SRGAP2: variants seen among roughly 807,000 people sequenced by gnomAD.
The protein encoded by SRGAP2 is SLIT-ROBO Rho GTPase activating protein 2.
In SRGAP2, 15 loss-of-function variants were observed where a neutral mutation model predicts 57.2. The observed-to-expected ratio is 0.26, with a 90% CI of 0.18 to 0.40. SRGAP2 has a LOEUF of 0.40. Among genes scored for constraint, SRGAP2 ranks in the 10% least tolerant of loss-of-function variants. The pLI is 1.00. For missense variants in SRGAP2, 520 were observed against 669.6 expected (o/e 0.78, Z 2.47); for synonymous variants, 249 against 248.0 (o/e 1.00, Z -0.04).
chr1:206,411,077 G>A (rs1553359416), intron 10 of SRGAP2, among the ~76,000 whole-genome samples: 2 of 152,300 alleles, frequency 1.3e-5, no homozygotes, highest in East Asian at 3.9e-4. Context: ...GGCCAGGCTG[G>A]TCTCAAACTC....
intron 11 of SRGAP2, among the ~76,000 whole-genome samples, chr1:206,416,774 C>T (rs1353368079): frequency 1.3e-5 from 2 of 151,926 alleles, no homozygotes; most frequent in Non-Finnish European, 2.9e-5. Flanking sequence ...GCCCCCCCCT[C>T]CCTGCCCCAC....
chr1:206,338,041 A>G (rs1425200233), intron 3 of SRGAP2, among the ~76,000 whole-genome samples: 2 of 150,736 alleles, frequency 1.3e-5, no homozygotes, highest in African/African-American at 2.4e-5. Context: ...CAGTGCATTT[A>G]CAGTGATAAT....
chr1:206,327,578 G>A (rs1553330467), intron 3 of SRGAP2, among the ~76,000 whole-genome samples: 1 of 124,874 alleles, frequency 8.0e-6, no homozygotes, highest in Non-Finnish European at 1.6e-5. Context: ...TTGTTTAAGG[G>A]CATCACCTTG....
At chr1:206,446,373 G>T in intron 18 of SRGAP2, 74 bp downstream of exon 18, 4 of 755,950 alleles carry the variant, frequency 5.3e-6, no homozygotes, top group Non-Finnish European at 7.4e-6. Context: ...ATGGCCACAC[G>T]AAAACCAAAG....
At chr1:206,203,767 C>T in intron 1 of SRGAP2, 117 bp downstream of exon 1, 1 of 1,499,706 alleles carries the variant, frequency 6.7e-7, no homozygotes. Context: ...GCGGCATCGC[C>T]TTAGCGGTGC....
In SRGAP2 at chr1:206,454,055, C is replaced by T. The variant is rs538164855; in HGVS notation, c.2360+675C>T. The T allele has an allele frequency of 3.6e-5, 25 of 698,222 alleles. No individual in the cohort carries two copies. Among genetic ancestry groups the T allele is most frequent in the Middle Eastern group, 2.3e-4 (1 of 4,352 alleles). The allele number at this position is 698,222 out of a possible 1,614,324, so 43.3% of individuals were successfully genotyped here. A position where few individuals can be genotyped will look rare whatever the true frequency, so the allele number is the denominator to read the frequency against. On this transcript the variant is annotated intron_variant, in intron 20 of 22. Transcript: ENST00000573034. The surrounding 1 kb of genome is among the most constrained non-coding windows in gnomAD (Gnocchi z 4.3). ...GGCCCACCCAAGCCTGCCCCCTGTC[C>T]GTTTGCCCTGTCTCTGTCCCCAGCT...
chr1:206,453,259 C>A lies in SRGAP2; in HGVS notation c.2239C>A (p.Leu747Ile). The A allele has an allele frequency of 1.3e-6, 1 of 744,246 alleles. No homozygotes were observed. The highest frequency in any genetic ancestry group is 2.5e-6 in the Non-Finnish European group (1 of 398,834). The allele number at this position is 744,246 out of a possible 1,614,324, so 46.1% of individuals were successfully genotyped here. A position where few individuals can be genotyped will look rare whatever the true frequency, so the allele number is the denominator to read the frequency against. The part of the protein sequence containing the change: ...FDYVGRTARE[L>I]SFKKGASLLL... Reference sequence around the variant, plus strand: ...CTACGTGGGCCGGACAGCCCGAGAGCTATCCTTTAAGAAGGGAGCATCCCT... The same window carrying A: ...CTACGTGGGCCGGACAGCCCGAGAGATATCCTTTAAGAAGGGAGCATCCCT... The change falls in exon 20 of 23, where the codon CTA becomes ATA. Residue 747 changes from leucine (L) to isoleucine (I), a missense_variant. Physicochemically the swap from Leu to Ile is conservative, Grantham distance 5 (BLOSUM62 2). This residue lies in a region of SRGAP2 where 478 missense variants were observed against 373.6 expected (regional missense o/e 1.28). Transcript: ENST00000573034.
chr1:206,450,693 C>G (rs1663191588), intron 19 of SRGAP2, among the ~76,000 whole-genome samples: 2 of 152,198 alleles, frequency 1.3e-5, no homozygotes, highest in Admixed American at 6.5e-5. Flanking sequence ...CTTTCATAGC[C>G]CTTCAACCTT....
At chr1:206,413,931 A>C (rs1403575940) in intron 10 of SRGAP2, among the ~76,000 whole-genome samples, 2 of 152,176 alleles carry the variant, frequency 1.3e-5, no homozygotes, top group African/African-American at 4.8e-5. Context: ...TTTAAACAAG[A>C]GAGAGAATCA....
intron 4 of SRGAP2, among the ~76,000 whole-genome samples, chr1:206,351,494 T>A (rs1553338148): frequency 6.6e-6 from 1 of 152,188 alleles, no homozygotes; most frequent in Admixed American, 6.5e-5. Flanking sequence ...GGACAGCTGT[T>A]CCAGTTGCCC....
chr1:206,432,559 A>G (rs1553368672), intron 14 of SRGAP2, among the ~76,000 whole-genome samples: 1 of 152,326 alleles, frequency 6.6e-6, no homozygotes, highest in Non-Finnish European at 1.5e-5. Flanking sequence ...TGAAGAAACT[A>G]TGGGACATTC....
intron 14 of SRGAP2, among the ~76,000 whole-genome samples, chr1:206,435,258 C>T (rs1661625590): frequency 6.6e-6 from 1 of 152,226 alleles, no homozygotes; most frequent in Non-Finnish European, 1.5e-5. Context: ...TGATAGAATT[C>T]ATCTGCCTCC....
intron 4 of SRGAP2, among the ~76,000 whole-genome samples, chr1:206,372,961 TTTCC>T (rs1333006599): frequency 1.3e-3 from 14 of 11,024 alleles, no homozygotes; most frequent in Admixed American, 1.8e-3. Flanking sequence ...CTTTCTTTTC[TTTCC>T]TTTCTTTCTT....
chr1:206,210,572 ATGAAAT>A (rs1666256370), intron 2 of SRGAP2, among the ~76,000 whole-genome samples: 1 of 149,144 alleles, frequency 6.7e-6, no homozygotes, highest in African/African-American at 2.5e-5. Context: ...AGAGCAGGAG[ATGAAAT>A]TTAAAACTGG....
chr1:206,244,808 G>T (rs1668444451), intron 2 of SRGAP2, among the ~76,000 whole-genome samples: 1 of 151,670 alleles, frequency 6.6e-6, no homozygotes. Flanking sequence ...TAGAAGAAAA[G>T]ACATTTTTTT....
chr1:206,355,913 G>A (rs1405965641), intron 4 of SRGAP2, among the ~76,000 whole-genome samples: 11 of 151,978 alleles, frequency 7.2e-5, no homozygotes, highest in African/African-American at 2.7e-4. Context: ...GTTGCAGTGA[G>A]CCAAGATTGT....
At chr1:206,386,547 C>T (rs1389169700) in intron 5 of SRGAP2, among the ~76,000 whole-genome samples, 6 of 135,882 alleles carry the variant, frequency 4.4e-5, no homozygotes, top group Non-Finnish European at 9.4e-5. Context: ...CCTGTAATCC[C>T]AGCACTTTGG....
Position 206,454,376 on chromosome 1 carries a change from C to A in SRGAP2, c.2361-502C>A, listed in dbSNP as rs1663625514. 1.7e-6 allele frequency: 1 copy of A among 598,290 alleles called. No homozygotes were observed. Among genetic ancestry groups the A allele is most frequent in the East Asian group, 2.8e-5 (1 of 35,898 alleles). 37.1% of individuals were successfully genotyped at this position (598,290 alleles called of 1,614,324 possible). ...AGGGGCCAGGAGAGCAGTGGAGAGACCTGGGACCGGCTTGGATGCTCTGAG... is the reference window on the plus strand; with the variant it reads ...AGGGGCCAGGAGAGCAGTGGAGAGAACTGGGACCGGCTTGGATGCTCTGAG... On this transcript the variant is annotated intron_variant, in intron 20 of 22. Coordinates refer to ENST00000573034, the MANE Select transcript of SRGAP2 (RefSeq NM_015326.5). This position sits in a 1 kb window ranked among gnomAD's most constrained non-coding sequence, Gnocchi z 4.3.
At position 206,462,307 on chromosome 1, in the gene SRGAP2, C is replaced by T. The variant is rs1443835547; in HGVS notation, c.*887C>T. The T allele has an allele frequency of 6.6e-6, 1 of 152,576 alleles. No individual in the cohort carries two copies. The highest frequency in any genetic ancestry group is 1.5e-5 in the Non-Finnish European group (1 of 68,038). The allele number at this position is 152,576 out of a possible 1,614,324, so 9.5% of individuals were successfully genotyped here. ...GTTCCTACCTTTGTCTCTGATGGAC[C>T]ATTTTCCATTTAAGACATTTTCCTG... On this transcript the variant is annotated 3_prime_UTR_variant, in exon 23 of 23. Transcript: ENST00000573034.
Sources: allele counts gnomAD v4.1 joint callset (sites outside exome capture counted in the v4.1 genomes callset), GRCh38; gene constraint gnomAD v4.1.1; regional missense constraint gnomAD v4.1.1; non-coding constraint Gnocchi (gnomAD v3.1); transcripts MANE v1.5; gene names NCBI Gene and HGNC (gene_info 2026-07-23, HGNC 2026-07-21).